AKAP6: variants seen among roughly 807,000 people sequenced by gnomAD.
AKAP6 encodes the protein A-kinase anchor protein 6.
AKAP6 carries 58 observed loss-of-function variants against 188.5 expected under a neutral mutation model. The ratio of observed to expected loss-of-function variants is 0.31; its 90% CI spans 0.25 to 0.38. The LOEUF is 0.38. Among genes scored for constraint, AKAP6 ranks in the 10% least tolerant of loss-of-function variants. The pLI is 1.00. For missense variants in AKAP6, 2,710 were observed against 2,740.0 expected (o/e 0.99, Z 0.24); for synonymous variants, 989 against 998.6 (o/e 0.99, Z 0.18).
At chr14:32,657,714 A>T (rs537027340) in intron 7 of AKAP6, among the ~76,000 whole-genome samples, 31 of 147,076 alleles carry the variant, frequency 2.1e-4, no homozygotes, top group African/African-American at 7.1e-4. Flanking sequence ...AAAGCTCACC[A>T]TTTTTTTTTT....
chr14:32,696,559 T>A (rs1802305442), intron 9 of AKAP6, among the ~76,000 whole-genome samples: 1 of 152,194 alleles, frequency 6.6e-6, no homozygotes, highest in South Asian at 2.1e-4. Flanking sequence ...ACAGGCCTCA[T>A]CCAATTTAAT....
intron 12 of AKAP6, among the ~76,000 whole-genome samples, chr14:32,780,613 C>A (rs117983015): frequency 0.023 from 3,540 of 152,244 alleles, 49 homozygotes; most frequent in South Asian, 0.039. Context: ...TACTAAAACT[C>A]TCTTCTGAGC....
chr14:32,487,790 TAGTC>T (rs761692259), intron 2 of AKAP6, among the ~76,000 whole-genome samples: 7 of 152,224 alleles, frequency 4.6e-5, no homozygotes, highest in African/African-American at 1.4e-4. Context: ...TTCCTTCTAA[TAGTC>T]AGGCCCCTCT....
At chr14:32,339,318 G>A (rs1283349141) in intron 1 of AKAP6, among the ~76,000 whole-genome samples, 2 of 152,114 alleles carry the variant, frequency 1.3e-5, no homozygotes, top group Non-Finnish European at 2.9e-5. Flanking sequence ...TCCTTTTCAA[G>A]GTATAAACAC....
chr14:32,686,527 C>G (rs1347956856), intron 8 of AKAP6, among the ~76,000 whole-genome samples: 1 of 152,082 alleles, frequency 6.6e-6, no homozygotes, highest in African/African-American at 2.4e-5. Context: ...ACTTATTGCA[C>G]TCCTGTACCA....
At chr14:32,618,385 C>T (rs1886671901) in intron 7 of AKAP6, among the ~76,000 whole-genome samples, 1 of 152,176 alleles carries the variant, frequency 6.6e-6, no homozygotes, top group South Asian at 2.1e-4. Context: ...GTCTATTGTG[C>T]TACTCTGTAT....
At chr14:32,666,668 C>A (rs1289060366) in intron 7 of AKAP6, among the ~76,000 whole-genome samples, 2 of 152,104 alleles carry the variant, frequency 1.3e-5, no homozygotes, top group East Asian at 1.9e-4. Flanking sequence ...AAGGAACCAT[C>A]AAAAATGCAT....
In AKAP6 at chr14:32,832,098, T is replaced by C. The variant is rs1040795776; in HGVS notation, c.*2293T>C. The C allele has an allele frequency of 2.0e-5, 3 of 152,074 alleles. No individual in the cohort carries two copies. The highest frequency in any genetic ancestry group is 7.2e-5 in the African/African-American group (3 of 41,412). 9.4% of individuals were successfully genotyped at this position (152,074 alleles called of 1,614,324 possible). A position where few individuals can be genotyped will look rare whatever the true frequency, so the allele number is the denominator to read the frequency against. On this transcript the variant is annotated 3_prime_UTR_variant, in exon 14 of 14. Transcript: ENST00000280979. ...AGGTAGTAATTTGTTCAAAAGCGGT[T>C]TTAGCCAGACATCTAGTTGCAGTGT...
rs991102706 is a variant in AKAP6, at chr14:32,638,919, G to T, written c.2730+38127G>T. Among the ~76,000 whole-genome samples the T allele has an allele frequency of 7.2e-5, 11 of 152,140 alleles. No homozygotes were observed. In the East Asian group the frequency reaches 1.7e-3, roughly 24 times the overall value. ...AGGGAATGAATGATATCTTATGGAA[G>T]TATAGGGGAAAAACAAAGAATATGA... On this transcript the variant is annotated intron_variant, in intron 7 of 13. Transcript: ENST00000280979.
chr14:32,803,176 G>T (rs1040396898), intron 12 of AKAP6, among the ~76,000 whole-genome samples: 1 of 151,678 alleles, frequency 6.6e-6, no homozygotes, highest in African/African-American at 2.4e-5. Flanking sequence ...AGGCACGGTG[G>T]CTCATGCCTG....
At chr14:32,584,736 A>G (rs1360534845) in intron 5 of AKAP6, among the ~76,000 whole-genome samples, 4 of 152,312 alleles carry the variant, frequency 2.6e-5, no homozygotes, top group South Asian at 4.1e-4. Flanking sequence ...AAATTTAATA[A>G]AACAATATGT....
intron 1 of AKAP6, among the ~76,000 whole-genome samples, chr14:32,339,525 T>G (rs1005641101): frequency 6.6e-6 from 1 of 152,188 alleles, no homozygotes; most frequent in South Asian, 2.1e-4. Context: ...AAAGATACAT[T>G]GATTCTTTTA....
At chr14:32,338,263 G>T (rs942149959) in intron 1 of AKAP6, among the ~76,000 whole-genome samples, 1 of 151,990 alleles carries the variant, frequency 6.6e-6, no homozygotes, top group Non-Finnish European at 1.5e-5. Flanking sequence ...ACACCATCCT[G>T]CCTAAATACC....
At chr14:32,800,151 T>TATAC (rs1566720809) in intron 12 of AKAP6, among the ~76,000 whole-genome samples, 1 of 144,832 alleles carries the variant, frequency 6.9e-6, no homozygotes, top group African/African-American at 2.6e-5. Flanking sequence ...CACACATATA[T>TATAC]ACATATATAT....
chr14:32,448,037 A>G (rs1890812969), intron 2 of AKAP6, among the ~76,000 whole-genome samples: 1 of 152,256 alleles, frequency 6.6e-6, no homozygotes, highest in Non-Finnish European at 1.5e-5. Context: ...CAGGGAAGGA[A>G]AAACATCTAT....
intron 8 of AKAP6, among the ~76,000 whole-genome samples, chr14:32,684,742 T>TG (rs374109770): frequency 9.5e-6 from 1 of 104,714 alleles, no homozygotes; most frequent in Non-Finnish European, 1.9e-5. Flanking sequence ...GTGTACTTCA[T>TG]GTTTTTTTTT....
intron 9 of AKAP6, among the ~76,000 whole-genome samples, chr14:32,697,056 C>G (rs1175864886): frequency 6.6e-6 from 1 of 152,042 alleles, no homozygotes; most frequent in Non-Finnish European, 1.5e-5. Flanking sequence ...AAACAACTAC[C>G]TTCTAGTTTT....
intron 7 of AKAP6, among the ~76,000 whole-genome samples, chr14:32,631,327 ATGACAGGTTTTATATT>A (rs1887264853): frequency 6.6e-6 from 1 of 152,054 alleles, no homozygotes; most frequent in African/African-American, 2.4e-5. Flanking sequence ...TGATGTTATA[ATGACAGGTTTTATATT>A]TATCGATTTT....
At chr14:32,668,329 G>A (rs918613644) in intron 7 of AKAP6, among the ~76,000 whole-genome samples, 5 of 152,098 alleles carry the variant, frequency 3.3e-5, no homozygotes, top group African/African-American at 4.8e-5. Context: ...ATGTTTGTTT[G>A]ATATATTTGT....
Sources: gnomAD v4.1 joint callset for allele counts (sites outside exome capture counted in the v4.1 genomes callset) on GRCh38, gnomAD v4.1.1 for gene constraint, MANE v1.5 for transcripts, NCBI Gene and HGNC (gene_info 2026-07-23, HGNC 2026-07-21) for gene names.